Variants in ZPBP observed in about 807,000 individuals in gnomAD.
ZPBP encodes the protein zona pellucida-binding protein 1.
Under a neutral mutation model 44.8 loss-of-function variants are expected in ZPBP, and 26 were observed. The observed-to-expected ratio is 0.58, with a 90% CI of 0.43 to 0.81. ZPBP has a LOEUF of 0.81. Ranked by LOEUF, ZPBP falls within the 30% of genes least tolerant of loss-of-function variation. ZPBP has a pLI of 0.00. For synonymous variants in ZPBP, 174 were observed against 153.2 expected (o/e 1.14, Z -1.00); for missense variants, 409 against 434.0 (o/e 0.94, Z 0.51).
At chr7:49,983,215 A>C (rs891461911) in intron 7 of ZPBP, 127 bp downstream of exon 7, 1 of 867,652 alleles carries the variant, frequency 1.2e-6, no homozygotes. Context: ...CAAATACACT[A>C]CTTTAAATAA....
chr7:49,879,418 C>A (rs1223918403), intron 2 of ZPBP, among the ~76,000 whole-genome samples: 3 of 152,046 alleles, frequency 2.0e-5, no homozygotes, highest in African/African-American at 7.2e-5. Context: ...ATTATCTTAT[C>A]CGGAGAGGGT....
intron 4 of ZPBP, among the ~76,000 whole-genome samples, chr7:50,054,673 G>C (rs945185994): frequency 4.6e-5 from 7 of 152,094 alleles, no homozygotes; most frequent in African/African-American, 1.7e-4. Flanking sequence ...GCTCAACACA[G>C]TAAAAAACAT....
At chr7:49,883,476 A>C (rs950904476) in intron 2 of ZPBP, among the ~76,000 whole-genome samples, 6 of 152,234 alleles carry the variant, frequency 3.9e-5, no homozygotes, top group Non-Finnish European at 7.3e-5. Context: ...CATTAGATTT[A>C]AACTAACTCA....
At chr7:49,980,039 AAT>A (rs1491507360) in intron 7 of ZPBP, among the ~76,000 whole-genome samples, 19 of 9,092 alleles carry the variant, frequency 2.1e-3, no homozygotes, top group African/African-American at 7.8e-3. Context: ...ATTATATTAT[AAT>A]ATATATAATA....
intron 6 of ZPBP, among the ~76,000 whole-genome samples, chr7:49,986,128 G>T (rs1349309220): frequency 6.6e-6 from 1 of 152,144 alleles, no homozygotes; most frequent in East Asian, 1.9e-4. Flanking sequence ...GCCCATGTGG[G>T]GACATGAAGA....
At chr7:49,907,027 T>A (rs138753289) in intron 1 of ZPBP, among the ~76,000 whole-genome samples, 4 of 152,210 alleles carry the variant, frequency 2.6e-5, no homozygotes, top group African/African-American at 9.6e-5. Flanking sequence ...TAAACAATGG[T>A]GAAGGCACAC....
intron 2 of ZPBP, among the ~76,000 whole-genome samples, chr7:49,881,859 T>C (rs1791679807): frequency 6.6e-6 from 1 of 152,074 alleles, no homozygotes; most frequent in African/African-American, 2.4e-5. Flanking sequence ...TTTTCTGAAG[T>C]TGAATTCATA....
intron 2 of ZPBP, among the ~76,000 whole-genome samples, chr7:49,882,201 G>A (rs970114649): frequency 3.3e-5 from 5 of 152,112 alleles, no homozygotes; most frequent in Non-Finnish European, 4.4e-5. Context: ...AACAAAACTA[G>A]TGGAAGTAAC....
intron 4 of ZPBP, among the ~76,000 whole-genome samples, chr7:50,049,382 T>C (rs1267036687): frequency 6.6e-6 from 1 of 151,998 alleles, no homozygotes; most frequent in Non-Finnish European, 1.5e-5. Context: ...CAGTATCTCT[T>C]ATGAACACAA....
chr7:49,989,867 A>T (rs992684998), intron 6 of ZPBP, among the ~76,000 whole-genome samples: 3 of 152,192 alleles, frequency 2.0e-5, no homozygotes, highest in Non-Finnish European at 4.4e-5. Context: ...GGAAAGCAAG[A>T]TCAAGGGAGC....
chr7:49,912,283 G>A (rs1793498364), intron 1 of ZPBP: 1 of 1,291,380 alleles, frequency 7.7e-7, no homozygotes, highest in South Asian at 1.9e-5. Context: ...GAAGACTTTT[G>A]ATGAGGAATA....
Position 50,030,017 on chromosome 7 carries a change from G to A in ZPBP, c.706+1075C>T, listed in dbSNP as rs546405813. Among the ~76,000 whole-genome samples the A allele has an allele frequency of 9.2e-5, 14 of 152,140 alleles. No individual in the cohort carries two copies. In the East Asian group the frequency reaches 1.2e-3, roughly 13 times the overall value. On this transcript the variant is annotated intron_variant, in intron 5 of 7. Transcript: ENST00000046087. ...ATTATAGGCCCATGCCACCAGGCCC[G>A]GCTAATTTTTGTATTTTTAGTAGAG... is the stretch of plus-strand genomic sequence containing the variant.
chr7:49,885,429 A>G (rs992454802), intron 2 of ZPBP, among the ~76,000 whole-genome samples: 1 of 152,164 alleles, frequency 6.6e-6, no homozygotes, highest in African/African-American at 2.4e-5. Flanking sequence ...ACAAGAAAAT[A>G]TGGGAAAATT....
At chr7:50,075,466 A>G (rs1483310474) in intron 3 of ZPBP, among the ~76,000 whole-genome samples, 2 of 151,996 alleles carry the variant, frequency 1.3e-5, no homozygotes, top group Admixed American at 6.6e-5. Flanking sequence ...AAAGATCAAT[A>G]AAACAAAAAG....
chr7:50,054,906 A>G (rs1172740745), intron 4 of ZPBP, among the ~76,000 whole-genome samples: 2 of 152,072 alleles, frequency 1.3e-5, no homozygotes, highest in African/African-American at 4.8e-5. Context: ...TGAATAACCC[A>G]CCAAAGTCCA....
chr7:49,947,980 C>T (rs891433001), intron 7 of ZPBP, among the ~76,000 whole-genome samples: 1 of 152,208 alleles, frequency 6.6e-6, no homozygotes, highest in Non-Finnish European at 1.5e-5. Flanking sequence ...CCATCATTGC[C>T]CCAGGCCTGC....
chr7:49,992,573 AT>A (rs1212417599), intron 6 of ZPBP, among the ~76,000 whole-genome samples: 15 of 152,266 alleles, frequency 9.9e-5, no homozygotes, highest in Non-Finnish European at 1.8e-4. Context: ...CTAGAAAAAA[AT>A]ATTACAATAG....
chr7:49,969,251 T>G (rs1180227523), intron 7 of ZPBP, among the ~76,000 whole-genome samples: 1 of 149,616 alleles, frequency 6.7e-6, no homozygotes, highest in Non-Finnish European at 1.5e-5. Flanking sequence ...TATCTAAATG[T>G]TCTTGTAGTT....
At chr7:49,849,036 T>A (rs2128715824), downstream of ZPBP, among the ~76,000 whole-genome samples, 1 of 152,360 alleles carries the variant, frequency 6.6e-6, no homozygotes, top group East Asian at 1.9e-4. Context: ...CTTTAGGTCC[T>A]GCTTGCTTCA....
Sources: allele counts gnomAD v4.1 joint callset (sites outside exome capture counted in the v4.1 genomes callset), GRCh38; gene constraint gnomAD v4.1.1; transcripts MANE v1.5; gene names NCBI Gene and HGNC (gene_info 2026-07-23, HGNC 2026-07-21).